Variants in ARHGEF3 observed in about 807,000 individuals in gnomAD.
The protein encoded by ARHGEF3 is 59.8 kDA protein.
A neutral mutation model predicts 63.2 loss-of-function variants in ARHGEF3; 28 were observed. That is an observed-to-expected ratio of 0.44 (90% CI 0.33 to 0.61). ARHGEF3 has a LOEUF of 0.61. ARHGEF3 is among the 20% of genes least tolerant of loss of function. The pLI, the probability that ARHGEF3 is intolerant of heterozygous loss-of-function variation, is 0.03. For synonymous variants in ARHGEF3, 266 were observed against 254.2 expected (o/e 1.05, Z -0.44); for missense variants, 533 against 659.3 (o/e 0.81, Z 2.10).
chr3:56,787,038 A>G (rs1292140413), intron 1 of ARHGEF3, among the ~76,000 whole-genome samples: 3 of 152,208 alleles, frequency 2.0e-5, no homozygotes, highest in South Asian at 4.1e-4. Context: ...GGATGCCTGC[A>G]GCAGAGAGCA....
At chr3:57,000,205 G>A (rs560348151) in intron 2 of ARHGEF3, among the ~76,000 whole-genome samples, 34 of 152,094 alleles carry the variant, frequency 2.2e-4, no homozygotes, top group African/African-American at 7.7e-4. Flanking sequence ...TACAAAGAGC[G>A]CCCCACGTAT....
At chr3:57,057,010 C>T (rs1704970841) in intron 1 of ARHGEF3, among the ~76,000 whole-genome samples, 1 of 152,104 alleles carries the variant, frequency 6.6e-6, no homozygotes, top group Non-Finnish European at 1.5e-5. Flanking sequence ...CACAAGCAGG[C>T]TGTCACTCCA....
At position 56,865,324 on chromosome 3, in the gene ARHGEF3, C is replaced by T. The variant is rs139481322; in HGVS notation, c.192+16968G>A. On this transcript the variant is annotated intron_variant, in intron 4 of 12. Transcript: ENST00000338458. ...GATTGGTTAGAAAGGAGAATGATTC[C>T]GCTACGGCAAACAGAGCAGAGCAAA... Among the ~76,000 whole-genome samples the T allele has an allele frequency of 7.2e-4, 110 of 152,248 alleles. 3 individuals carry two copies. The South Asian group carries it at 0.019, about 27-fold the overall frequency.
chr3:56,736,998 G>C (rs990355667), intron 8 of ARHGEF3, among the ~76,000 whole-genome samples, 187 bp downstream of exon 8: 2 of 152,122 alleles, frequency 1.3e-5, no homozygotes, highest in Non-Finnish European at 2.9e-5. Flanking sequence ...GGGAGGCCGA[G>C]GCACAAGAAT....
At chr3:56,774,103 T>G (rs1202785353) in intron 1 of ARHGEF3, among the ~76,000 whole-genome samples, 1 of 152,150 alleles carries the variant, frequency 6.6e-6, no homozygotes, top group Admixed American at 6.5e-5. Context: ...AGCTTTTAAT[T>G]CAGAAGCTTC....
At chr3:56,809,540 C>A (rs753230136) in intron 4 of ARHGEF3, among the ~76,000 whole-genome samples, 5 of 152,054 alleles carry the variant, frequency 3.3e-5, no homozygotes, top group Admixed American at 6.6e-5. Context: ...CAGTAAGAAA[C>A]CTGACCTTCT....
chr3:56,859,166 G>GTTTTGT (rs929115379), intron 4 of ARHGEF3, among the ~76,000 whole-genome samples: 8 of 152,038 alleles, frequency 5.3e-5, no homozygotes, highest in African/African-American at 1.9e-4. Flanking sequence ...TTATTGTTTT[G>GTTTTGT]TTTTGTTTTT....
chr3:57,002,504 A>ATATATATATGT, intron 2 of ARHGEF3, among the ~76,000 whole-genome samples: 1 of 91,176 alleles, frequency 1.1e-5, no homozygotes, highest in East Asian at 2.3e-4. Context: ...TATGTTATAT[A>ATATATATATGT]TATATATATG....
At chr3:56,995,692 C>G (rs573791128) in intron 2 of ARHGEF3, among the ~76,000 whole-genome samples, 81 of 144,438 alleles carry the variant, frequency 5.6e-4, no homozygotes, top group African/African-American at 1.9e-3. Flanking sequence ...AACCTGGTCT[C>G]AATTTGAGAC....
At chr3:56,803,822 C>T (rs1312623244), upstream of ARHGEF3, among the ~76,000 whole-genome samples, 1 of 151,954 alleles carries the variant, frequency 6.6e-6, no homozygotes, top group Non-Finnish European at 1.5e-5. Context: ...AGAAAAATAC[C>T]TTCATTCATG....
intron 2 of ARHGEF3, among the ~76,000 whole-genome samples, chr3:56,771,844 C>A (rs2036021949): frequency 6.6e-6 from 1 of 152,110 alleles, no homozygotes; most frequent in African/African-American, 2.4e-5. Context: ...TGAACTTGAG[C>A]CACAGCCACT....
At chr3:56,744,006 A>C (rs781775501) in intron 7 of ARHGEF3, among the ~76,000 whole-genome samples, 1 of 152,118 alleles carries the variant, frequency 6.6e-6, no homozygotes, top group Non-Finnish European at 1.5e-5. Flanking sequence ...AACAAACAAA[A>C]AAAAAACTTC....
chr3:56,775,004 G>A (rs2036215817), intron 1 of ARHGEF3: 8 of 1,532,504 alleles, frequency 5.2e-6, no homozygotes, highest in Non-Finnish European at 7.0e-6. Flanking sequence ...AGTTACCCTT[G>A]TCCTCCTAAG....
At position 57,002,500 on chromosome 3, in the gene ARHGEF3, A is replaced by ATATATATATATATATGT. The variant is rs1702276506; in HGVS notation, c.62+32587_62+32588insACATATATATATATATA. 7.2e-4 allele frequency among the ~76,000 whole-genome samples: 43 copies of ATATATATATATATATGT among 60,116 alleles called. 2 individuals carry two copies. Among genetic ancestry groups the ATATATATATATATATGT allele is most frequent in the African/African-American group, 1.0e-3 (16 of 16,020 alleles). The allele number at this position is 60,116 out of a possible 152,430, so 39.4% of individuals were successfully genotyped here. On this transcript the variant is annotated intron_variant, in intron 2 of 12. Coordinates refer to the ARHGEF3 transcript ENST00000338458. ...TATGTTATATATATATATATATGTT[A>ATATATATATATATATGT]TATATATATATATGTTATATATGTA... is the stretch of plus-strand genomic sequence containing the variant.
At chr3:56,949,610 A>G (rs982938216) in intron 3 of ARHGEF3, among the ~76,000 whole-genome samples, 2 of 152,144 alleles carry the variant, frequency 1.3e-5, no homozygotes, top group African/African-American at 4.8e-5. Context: ...ACCACAAACC[A>G]CTGCTCAATG....
chr3:56,804,066 T>G (rs557277274), upstream of ARHGEF3, among the ~76,000 whole-genome samples: 1 of 152,084 alleles, frequency 6.6e-6, no homozygotes, highest in East Asian at 1.9e-4. Flanking sequence ...TGTATTTTTG[T>G]AGAGACAGGG....
chr3:56,756,657 C>A (rs575829557), intron 2 of ARHGEF3, among the ~76,000 whole-genome samples: 1 of 150,934 alleles, frequency 6.6e-6, no homozygotes, highest in Non-Finnish European at 1.5e-5. Flanking sequence ...TCACGCCACT[C>A]TCTTGCTTCA....
At position 56,755,089 on chromosome 3, in the gene ARHGEF3, T is replaced by C. The variant is rs774313482; in HGVS notation, c.267A>G (p.Arg89=). The change falls in exon 3 of 10, where the codon AGA becomes AGG. Residue 89 remains arginine, a synonymous_variant. Transcript: ENST00000296315. ...GTTTCGTGCTCGAGGGGGCGGCATTTCTGGACCAGGGTCGGGGGGCGAGGA... is the reference window on the plus strand; with the variant it reads ...GTTTCGTGCTCGAGGGGGCGGCATTCCTGGACCAGGGTCGGGGGGCGAGGA... ...PDILAPRPWS[R]NAAPSSTKRR... 6.2e-7 allele frequency: 1 copy of C among 1,614,060 alleles called. No homozygotes were observed. The highest frequency in any genetic ancestry group is 1.1e-5 in the South Asian group (1 of 91,074).
intron 3 of ARHGEF3, chr3:56,940,145 G>A (rs1699103394): frequency 6.6e-6 from 1 of 152,084 alleles, no homozygotes; most frequent in African/African-American, 2.4e-5. Flanking sequence ...GAGGAGTCAA[G>A]AATCCTCATG....
Sources: gnomAD v4.1 joint callset for allele counts (sites outside exome capture counted in the v4.1 genomes callset) on GRCh38, gnomAD v4.1.1 for gene constraint, MANE v1.5 for transcripts, NCBI Gene and HGNC (gene_info 2026-07-23, HGNC 2026-07-21) for gene names.